Variants in MED9 observed in about 807,000 individuals in gnomAD.
The protein encoded by MED9 is mediator of RNA polymerase II transcription subunit 9.
MED9 carries 8 observed loss-of-function variants against 13.2 expected under a neutral mutation model. The observed-to-expected ratio is 0.61, with a 90% confidence interval of 0.36 to 1.10. The LOEUF (loss-of-function observed/expected upper bound fraction) is 1.10, where lower values mean the gene tolerates loss of function less well. MED9 is among the 50% of genes least tolerant of loss of function. MED9 has a pLI of 0.02. For missense variants in MED9, 180 were observed against 193.4 expected, an observed-to-expected ratio of 0.93 and a Z score of 0.41; for synonymous variants, 87 against 82.8, an observed-to-expected ratio of 1.05 and a Z score of -0.28.
In MED9 at chr17:17,483,166, G is replaced by A. The variant is rs989796541; in HGVS notation, c.224+5901G>A. ...GTTGATACTACTCATTGGCCAGGTC[G>A]TTGAGCCTCGCTTTTGAGTATTATA... On this transcript the variant is annotated intron_variant, in intron 1 of 1. Transcript: ENST00000268711. This position sits in a 1 kb window ranked among gnomAD's most constrained non-coding sequence, Gnocchi z 4.2. 2.0e-5 allele frequency among the ~76,000 whole-genome samples: 3 copies of A among 152,114 alleles called. No individual in the cohort carries two copies. The highest frequency in any genetic ancestry group is 7.2e-5 in the African/African-American group (3 of 41,408).
At position 17,482,109 on chromosome 17, in the gene MED9, T is replaced by G. The variant is rs73292351; in HGVS notation, c.224+4844T>G. Among the ~76,000 whole-genome samples the G allele has an allele frequency of 2.6e-5, 4 of 152,284 alleles. No individual in the cohort carries two copies. The South Asian group carries it at 6.2e-4, about 24-fold the overall frequency. On this transcript the variant is annotated intron_variant, in intron 1 of 1. Coordinates refer to ENST00000268711, the MANE Select transcript of MED9 (RefSeq NM_018019.3). ...TCCACTTTATGAACGTGCTGTCGTT[T>G]ATGTAAACAGTTTCTTGCTCAAGGA...
At chr17:17,487,781 A>C (rs1905164004) in intron 1 of MED9, 1 of 152,356 alleles carries the variant, frequency 6.6e-6, no homozygotes, top group Non-Finnish European at 1.5e-5. Flanking sequence ...ACCACCCATG[A>C]ATAGCCAGGG....
intron 1 of MED9, among the ~76,000 whole-genome samples, chr17:17,478,259 G>T (rs1904963147): frequency 6.6e-6 from 1 of 152,194 alleles, no homozygotes; most frequent in South Asian, 2.1e-4. Context: ...GTGATACTAG[G>T]TGTAAACCCC....
At chr17:17,488,509 G>A (rs1264560552) in intron 1 of MED9, 3 of 152,212 alleles carry the variant, frequency 2.0e-5, no homozygotes, top group Non-Finnish European at 2.9e-5. Flanking sequence ...ATCACCCCTG[G>A]CGGTAGTATT....
chr17:17,489,797 A>T (rs73294322), intron 1 of MED9, among the ~76,000 whole-genome samples: 1,528 of 152,316 alleles, frequency 0.01, 25 homozygotes, highest in African/African-American at 0.035. Flanking sequence ...GAAGTGATTG[A>T]TTCTCCATAC....
At chr17:17,484,201 A>G (rs1023733247) in intron 1 of MED9, among the ~76,000 whole-genome samples, 6 of 152,208 alleles carry the variant, frequency 3.9e-5, no homozygotes, top group Non-Finnish European at 7.3e-5. Context: ...GCCTTGCGTG[A>G]TGGTTTTGGC....
intron 1 of MED9, among the ~76,000 whole-genome samples, chr17:17,490,308 C>T (rs1307790175): frequency 6.6e-6 from 1 of 152,160 alleles, no homozygotes; most frequent in Non-Finnish European, 1.5e-5. Context: ...TGTTGGCATG[C>T]GCCTGTAATC....
At chr17:17,481,997 C>T (rs190719739) in intron 1 of MED9, among the ~76,000 whole-genome samples, 66 of 152,294 alleles carry the variant, frequency 4.3e-4, no homozygotes, top group East Asian at 4.2e-3. Context: ...AAGTTGTAGA[C>T]GGATTCTACA....
intron 1 of MED9, among the ~76,000 whole-genome samples, chr17:17,478,608 C>G (rs1904969182): frequency 6.6e-6 from 1 of 152,132 alleles, no homozygotes; most frequent in Non-Finnish European, 1.5e-5. Flanking sequence ...GCCTGTAATC[C>G]CAGCACTTTG....
chr17:17,483,411 C>T lies in MED9; in HGVS notation c.224+6146C>T, dbSNP rs1227036761. ...CAGGTGCTGTTGGGTGGGCGGAGTC[C>T]TCCAGGCTGGCAGACCCTCCAGCCC... is the stretch of plus-strand genomic sequence containing the variant. On this transcript the variant is annotated intron_variant, in intron 1 of 1. Coordinates refer to ENST00000268711, the MANE Select transcript of MED9 (RefSeq NM_018019.3). The surrounding 1 kb of genome is among the most constrained non-coding windows in gnomAD (Gnocchi z 4.2). Among the ~76,000 whole-genome samples, 1 of 152,160 alleles carries T rather than the reference C, an allele frequency of 6.6e-6. No homozygotes were observed. Among genetic ancestry groups the T allele is most frequent in the Non-Finnish European group, 1.5e-5 (1 of 68,040 alleles).
chr17:17,481,451 A>G (rs941889685), intron 1 of MED9, among the ~76,000 whole-genome samples: 8 of 152,374 alleles, frequency 5.3e-5, no homozygotes, highest in Admixed American at 3.9e-4. Flanking sequence ...AAAATGGAAA[A>G]TGTGTTCCTT....
chr17:17,491,241 T>C, intron 1 of MED9, 38 bp from the exon 2 acceptor site: 1 of 1,565,560 alleles, frequency 6.4e-7, no homozygotes, highest in Non-Finnish European at 8.8e-7. Context: ...AAGACGTGTA[T>C]CAAGCTGTGA....
Position 17,491,783 on chromosome 17 carries a change from A to C in MED9, c.*288A>C. 5 of 401,166 alleles carry C rather than the reference A, an allele frequency of 1.2e-5. No individual in the cohort carries two copies. The highest frequency in any genetic ancestry group is 4.9e-5 in the South Asian group (2 of 41,206). The allele number at this position is 401,166 out of a possible 1,614,324, so 24.9% of individuals were successfully genotyped here. On this transcript the variant is annotated 3_prime_UTR_variant, in exon 2 of 2. Coordinates refer to ENST00000268711, the MANE Select transcript of MED9 (RefSeq NM_018019.3). ...CTGGAGGCTGCAGAGGGGGTGGAGG[A>C]CTCTCCCCTGCCTCTGGGGAGGGGG... is the stretch of plus-strand genomic sequence containing the variant.
intron 1 of MED9, among the ~76,000 whole-genome samples, chr17:17,489,767 T>C (rs1000527883): frequency 1.7e-4 from 26 of 152,354 alleles, no homozygotes; most frequent in African/African-American, 6.3e-4. Context: ...CATCATTTCC[T>C]GGCCTCTCAT....
At chr17:17,481,043 C>G (rs914182917) in intron 1 of MED9, among the ~76,000 whole-genome samples, 1 of 152,194 alleles carries the variant, frequency 6.6e-6, no homozygotes, top group Non-Finnish European at 1.5e-5. Context: ...GAGTCAGCTT[C>G]TAGCTTGGTG....
At position 17,491,293 on chromosome 17, in the gene MED9, G is replaced by A; in HGVS notation, c.239G>A (p.Ser80Asn). 1 of 1,613,350 alleles carries A rather than the reference G, an allele frequency of 6.2e-7. No individual in the cohort carries two copies. The highest frequency in any genetic ancestry group is 8.5e-7 in the Non-Finnish European group (1 of 1,179,922). Residue 80 changes from serine (S) to asparagine (N), a missense_variant, in exon 2 of 2, where the codon AGC (serine) becomes AAC (asparagine). By Grantham distance (46) the Ser-to-Asn change is conservative. Transcript: ENST00000268711. The stretch of plus-strand genomic sequence containing the variant: ...TTCCCCCACAGCATGGACAAGGACA[G>A]CCCGGAGGTCCACCAGGACCTGAAC... The part of the protein sequence containing the change: ...HNIIKCMDKD[S>N]PEVHQDLNAL...
chr17:17,490,312 T>C (rs1277317505), intron 1 of MED9, among the ~76,000 whole-genome samples: 2 of 152,210 alleles, frequency 1.3e-5, no homozygotes, highest in African/African-American at 4.8e-5. Flanking sequence ...GGCATGCGCC[T>C]GTAATCCCAG....
intron 1 of MED9, among the ~76,000 whole-genome samples, chr17:17,479,965 G>A (rs1905003103): frequency 6.6e-6 from 1 of 152,120 alleles, no homozygotes; most frequent in African/African-American, 2.4e-5. Flanking sequence ...CTGGAAATAG[G>A]GGTGAAGGTG....
At position 17,483,915 on chromosome 17, in the gene MED9, G is replaced by A. The variant is rs1376866298; in HGVS notation, c.224+6650G>A. Reference sequence around the variant, plus strand: ...TCGCACCATTGCACTCCAGCCTGGCGACAGAGCGAGACTCCATCTCAAAAA... The same window carrying A: ...TCGCACCATTGCACTCCAGCCTGGCAACAGAGCGAGACTCCATCTCAAAAA... On this transcript the variant is annotated intron_variant, in intron 1 of 1. Transcript: ENST00000268711. This position sits in a 1 kb window ranked among gnomAD's most constrained non-coding sequence, Gnocchi z 4.2. Among the ~76,000 whole-genome samples the A allele has an allele frequency of 6.7e-5, 10 of 148,410 alleles. No homozygotes were observed. Among genetic ancestry groups the A allele is most frequent in the Admixed American group, 4.7e-4 (7 of 14,754 alleles).
Sources: gnomAD v4.1 joint callset for allele counts (sites outside exome capture counted in the v4.1 genomes callset) on GRCh38, gnomAD v4.1.1 for gene constraint, Gnocchi (gnomAD v3.1) non-coding constraint, MANE v1.5 for transcripts, NCBI Gene and HGNC (gene_info 2026-07-23, HGNC 2026-07-21) for gene names.